The following ADGRL3 variants were observed in gnomAD, a reference collection of about 807,000 sequenced individuals.
ADGRL3 encodes the protein adhesion G protein-coupled receptor L3.
A neutral mutation model predicts 153.5 loss-of-function variants in ADGRL3; 62 were observed. That is an observed-to-expected ratio of 0.40 (90% CI 0.33 to 0.50). The LOEUF (loss-of-function observed/expected upper bound fraction) is 0.50. Among genes scored for constraint, ADGRL3 ranks in the 20% least tolerant of loss-of-function variants. The pLI is 0.47. For missense variants in ADGRL3, 1,641 were observed against 1,859.4 expected, an observed-to-expected ratio of 0.88 and a Z score of 2.16; for synonymous variants, 710 against 672.5, an observed-to-expected ratio of 1.06 and a Z score of -0.86.
chr4:62,044,498 G>A lies in ADGRL3; in HGVS notation c.3763G>A (p.Glu1255Lys). 6.3e-7 allele frequency: 1 copy of A among 1,598,890 alleles called. No individual in the cohort carries two copies. The highest frequency in any genetic ancestry group is 8.5e-7 in the Non-Finnish European group (1 of 1,172,276). ...MWNDTVRKQS[E>K]SSFITGDINS... ...GAATGACACGGTTCGAAAGCAGTCA[G>A]AGTCTTCCTTTATTACTGGAGACAT... Residue 1255 changes from glutamate (E) to lysine (K), a missense_variant, in exon 25 of 27, where the codon GAG becomes AAG. Around this residue, in one of 5 missense-constraint regions of ADGRL3, gnomAD observed 517 missense variants for 555.0 expected, o/e 0.93. Transcript: ENST00000683033.
At chr4:61,522,111 T>A (rs1023881852) in intron 4 of ADGRL3, among the ~76,000 whole-genome samples, 11 of 152,132 alleles carry the variant, frequency 7.2e-5, no homozygotes, top group Admixed American at 2.0e-4. Context: ...GAGCCAAGAT[T>A]GGTTCTGAAT....
At chr4:61,455,039 A>G (rs1331281044) in intron 2 of ADGRL3, among the ~76,000 whole-genome samples, 1 of 152,172 alleles carries the variant, frequency 6.6e-6, no homozygotes, top group East Asian at 1.9e-4. Context: ...AAAAACAAAA[A>G]AACAACCCAA....
At chr4:61,494,413 G>C (rs1446545059) in intron 2 of ADGRL3, among the ~76,000 whole-genome samples, 1 of 152,186 alleles carries the variant, frequency 6.6e-6, no homozygotes, top group Non-Finnish European at 1.5e-5. Context: ...TGTTAGGATA[G>C]AGCATTGTGA....
intron 2 of ADGRL3, among the ~76,000 whole-genome samples, chr4:61,460,153 G>A (rs2097793371): frequency 6.6e-6 from 1 of 151,952 alleles, no homozygotes; most frequent in Non-Finnish European, 1.5e-5. Context: ...TCTTTGCCTA[G>A]ACCAATGTCC....
chr4:61,496,509 CA>C (rs1294087392), intron 2 of ADGRL3, among the ~76,000 whole-genome samples: 6 of 151,786 alleles, frequency 4.0e-5, no homozygotes, highest in Non-Finnish European at 8.8e-5. Context: ...GCTAAAAATA[CA>C]AAATTAGCTG....
intron 13 of ADGRL3, among the ~76,000 whole-genome samples, chr4:61,914,207 GA>G (rs1296201711): frequency 6.6e-6 from 1 of 152,062 alleles, no homozygotes; most frequent in Non-Finnish European, 1.5e-5. Flanking sequence ...AGCAACACAA[GA>G]ACACATTACA....
At chr4:61,890,720 G>T (rs2098573522) in intron 9 of ADGRL3, among the ~76,000 whole-genome samples, 1 of 152,172 alleles carries the variant, frequency 6.6e-6, no homozygotes, top group African/African-American at 2.4e-5. Flanking sequence ...TCTAACACAT[G>T]AACTTTGGGG....
intron 6 of ADGRL3, among the ~76,000 whole-genome samples, chr4:61,694,185 T>TA (rs2095596890): frequency 1.2e-4 from 1 of 8,446 alleles, no homozygotes; most frequent in African/African-American, 3.5e-4. Context: ...CATTATTTTT[T>TA]TTTTTTTTTT....
At chr4:61,611,925 A>G (rs1331091148) in intron 5 of ADGRL3, among the ~76,000 whole-genome samples, 12 of 152,046 alleles carry the variant, frequency 7.9e-5, no homozygotes, top group Admixed American at 7.2e-4. Context: ...TCTAAAAAAT[A>G]TATATATATT....
At chr4:61,219,016 G>A (rs1329448445) in intron 1 of ADGRL3, among the ~76,000 whole-genome samples, 2 of 152,164 alleles carry the variant, frequency 1.3e-5, no homozygotes, top group East Asian at 3.9e-4. Context: ...ATCAAGGGGG[G>A]CTGTGGAGAG....
At chr4:61,413,353 G>A (rs1327606125) in intron 2 of ADGRL3, among the ~76,000 whole-genome samples, 1 of 152,084 alleles carries the variant, frequency 6.6e-6, no homozygotes, top group East Asian at 1.9e-4. Context: ...CAGCATCTTA[G>A]GAAGTGGGGA....
chr4:62,016,484 T>G (rs1193481000), intron 21 of ADGRL3, among the ~76,000 whole-genome samples: 1 of 152,208 alleles, frequency 6.6e-6, no homozygotes, highest in African/African-American at 2.4e-5. Context: ...AATCCATCCT[T>G]TTTCTGAACA....
chr4:61,425,966 C>T (rs979224582), intron 2 of ADGRL3, among the ~76,000 whole-genome samples: 1 of 152,192 alleles, frequency 6.6e-6, no homozygotes, highest in Admixed American at 6.5e-5. Context: ...GAGAGGAGGT[C>T]ATCCTTGGTG....
chr4:61,489,471 TTGAA>T (rs2098233715), intron 2 of ADGRL3, among the ~76,000 whole-genome samples: 1 of 151,982 alleles, frequency 6.6e-6, no homozygotes, highest in Admixed American at 6.6e-5. Context: ...TGTGTTTGAC[TTGAA>T]TGTGTTATAA....
In ADGRL3 at chr4:61,775,718, G is replaced by T. The variant is rs1358434093; in HGVS notation, c.1400-38091G>T. Reference sequence around the variant, plus strand: ...GCAAGCACACAAAGGTGGGCTTGGTGCTTGTCTAAGCCTTTGGTAGCTTCA... The same window carrying T: ...GCAAGCACACAAAGGTGGGCTTGGTTCTTGTCTAAGCCTTTGGTAGCTTCA... On this transcript the variant is annotated intron_variant, in intron 8 of 26. Transcript: ENST00000683033. 3.4e-6 allele frequency: 4 copies of T among 1,161,640 alleles called. No homozygotes were observed. The African/African-American group carries it at 6.0e-5, about 18-fold the overall frequency. The allele number at this position is 1,161,640 out of a possible 1,614,324, so 72.0% of individuals were successfully genotyped here.
chr4:61,874,832 C>A lies in ADGRL3; in HGVS notation c.1481-17824C>A, dbSNP rs368265188. ...TTTTTTTTTTTTTGAGACGGAGTCT[C>A]GCTCTGTCGCCCAGGCCGGACTGCG... On this transcript the variant is annotated intron_variant, in intron 9 of 26. Transcript: ENST00000683033. Among the ~76,000 whole-genome samples, 437 of 113,128 alleles carry A rather than the reference C, an allele frequency of 3.9e-3. 3 individuals carry two copies. The highest frequency in any genetic ancestry group is 0.015 in the African/African-American group (421 of 28,866). The allele number at this position is 113,128 out of a possible 152,430, so 74.2% of individuals were successfully genotyped here. A position where few individuals can be genotyped will look rare whatever the true frequency, so the allele number is the denominator to read the frequency against.
chr4:61,869,302 G>C (rs997580730), intron 9 of ADGRL3, among the ~76,000 whole-genome samples: 1 of 152,064 alleles, frequency 6.6e-6, no homozygotes, highest in Non-Finnish European at 1.5e-5. Context: ...CAAGTACTGA[G>C]AGATTTAAAA....
intron 2 of ADGRL3, among the ~76,000 whole-genome samples, chr4:61,437,620 C>A (rs2097465029): frequency 6.6e-6 from 1 of 152,170 alleles, no homozygotes; most frequent in African/African-American, 2.4e-5. Context: ...GTACTGATCT[C>A]AGAGTCTTCT....
At chr4:61,475,461 T>G (rs566281722) in intron 2 of ADGRL3, among the ~76,000 whole-genome samples, 1 of 152,244 alleles carries the variant, frequency 6.6e-6, no homozygotes, top group Admixed American at 6.5e-5. Context: ...TTTCTTGAAG[T>G]ACATAAGAAA....
Sources: allele counts gnomAD v4.1 joint callset (sites outside exome capture counted in the v4.1 genomes callset), GRCh38; gene constraint gnomAD v4.1.1; regional missense constraint gnomAD v4.1.1; transcripts MANE v1.5; gene names NCBI Gene and HGNC (gene_info 2026-07-23, HGNC 2026-07-21).